TRIQK: variants seen among roughly 807,000 people sequenced by gnomAD.
TRIQK encodes triple QxxK/R motif-containing protein.
In TRIQK, 10 loss-of-function variants were observed where a neutral mutation model predicts 10.8. That is an observed-to-expected ratio of 0.92 (90% CI 0.57 to 1.57). The LOEUF (loss-of-function observed/expected upper bound fraction) is 1.57. Among genes scored for constraint, TRIQK ranks in the 40% most tolerant of loss-of-function variants. The pLI, the probability that TRIQK is intolerant of heterozygous loss-of-function variation, is 0.00. For missense variants in TRIQK, 107 were observed against 97.7 expected (o/e 1.09, Z -0.40); for synonymous variants, 33 against 33.7 (o/e 0.98, Z 0.07).
chr8:92,945,922 A>C (rs1286529963), intron 2 of TRIQK, among the ~76,000 whole-genome samples: 1 of 151,984 alleles, frequency 6.6e-6, no homozygotes, highest in East Asian at 1.9e-4. Context: ...AAATAATATA[A>C]TTAAGAACTA....
Position 92,946,657 on chromosome 8 carries a change from A to G in TRIQK, c.-22+7749T>C, listed in dbSNP as rs192782233. Among the ~76,000 whole-genome samples the G allele has an allele frequency of 2.6e-5, 4 of 151,992 alleles. No homozygotes were observed. In the South Asian group the frequency reaches 8.3e-4, roughly 32 times the overall value. ...TAATATTTTTAAGTGTTGTTTTCTAATTTTTTCACATTACTAGCCATAATA... is the reference window on the plus strand; with the variant it reads ...TAATATTTTTAAGTGTTGTTTTCTAGTTTTTTCACATTACTAGCCATAATA... On this transcript the variant is annotated intron_variant, in intron 2 of 4. Coordinates refer to ENST00000521988, the MANE Select transcript of TRIQK (RefSeq NM_001171797.2).
At chr8:93,016,216 A>T (rs1563457917) in intron 1 of TRIQK, among the ~76,000 whole-genome samples, 1 of 152,240 alleles carries the variant, frequency 6.6e-6, no homozygotes, top group Non-Finnish European at 1.5e-5. Flanking sequence ...CAATAAATGA[A>T]CAAAGTACAT....
At chr8:92,953,469 A>C (rs1411300509) in intron 2 of TRIQK, 1 of 152,038 alleles carries the variant, frequency 6.6e-6, no homozygotes, top group East Asian at 1.9e-4. Flanking sequence ...GCAAAGAAAG[A>C]ATATAAAGCT....
At chr8:92,981,387 T>C (rs1337014070) in intron 1 of TRIQK, among the ~76,000 whole-genome samples, 1 of 151,986 alleles carries the variant, frequency 6.6e-6, no homozygotes, top group Non-Finnish European at 1.5e-5. Context: ...AAGCTCGTTG[T>C]GTTACACAAA....
At chr8:92,949,775 A>G (rs542423862) in intron 2 of TRIQK, among the ~76,000 whole-genome samples, 17 of 99,702 alleles carry the variant, frequency 1.7e-4, no homozygotes, top group African/African-American at 7.9e-4. Flanking sequence ...AGAGAAGGAA[A>G]GAAAGAAAAA....
chr8:93,003,965 G>A (rs1586529017), intron 1 of TRIQK, among the ~76,000 whole-genome samples: 1 of 152,216 alleles, frequency 6.6e-6, no homozygotes, highest in Non-Finnish European at 1.5e-5. Context: ...CTTGCAGGGT[G>A]CAGCCCCCAC....
At chr8:92,920,172 C>G (rs1015461742) in intron 2 of TRIQK, among the ~76,000 whole-genome samples, 1 of 151,518 alleles carries the variant, frequency 6.6e-6, no homozygotes, top group Non-Finnish European at 1.5e-5. Flanking sequence ...TTAAATATTG[C>G]AGCAGAGAGT....
chr8:92,977,730 A>T (rs567533220), intron 1 of TRIQK, among the ~76,000 whole-genome samples: 1 of 152,140 alleles, frequency 6.6e-6, no homozygotes, highest in Admixed American at 6.6e-5. Context: ...AATGCTAGAC[A>T]TTTTTAATTT....
chr8:92,898,833 G>GTGTATATATATATATATA (rs1256723943), intron 3 of TRIQK, among the ~76,000 whole-genome samples: 1 of 73,920 alleles, frequency 1.4e-5, no homozygotes, highest in Non-Finnish European at 2.5e-5. Flanking sequence ...GTGTGTGTGT[G>GTGTATATATATATATATA]TATATATATA....
chr8:92,958,993 CTTTAT>C (rs1277794945), intron 1 of TRIQK, among the ~76,000 whole-genome samples: 1 of 151,934 alleles, frequency 6.6e-6, no homozygotes, highest in African/African-American at 2.4e-5. Context: ...TCTAATAAAA[CTTTAT>C]TTATAAACAA....
At position 92,885,078 on chromosome 8, in the gene TRIQK, G is replaced by A. The variant is rs774730470; in HGVS notation, c.*1544C>T. ...TCTCTTGAGTCTGTGAGTTCAAAGG[G>A]AAGAATCTAGTAAATAACACCGGCT... On this transcript the variant is annotated 3_prime_UTR_variant, in exon 5 of 5. Transcript: ENST00000521988. The A allele has an allele frequency of 2.2e-6, 1 of 445,462 alleles. No individual in the cohort carries two copies. The highest frequency in any genetic ancestry group is 4.6e-6 in the Non-Finnish European group (1 of 218,514). The allele number at this position is 445,462 out of a possible 1,614,324, so 27.6% of individuals were successfully genotyped here. A position where few individuals can be genotyped will look rare whatever the true frequency, so the allele number is the denominator to read the frequency against.
At chr8:93,009,096 G>A (rs889791681) in intron 1 of TRIQK, among the ~76,000 whole-genome samples, 1 of 152,106 alleles carries the variant, frequency 6.6e-6, no homozygotes, top group Non-Finnish European at 1.5e-5. Flanking sequence ...ACAGCAATGG[G>A]TTACTATCCG....
chr8:92,888,661 C>G (rs1351675005), intron 4 of TRIQK, among the ~76,000 whole-genome samples: 2 of 151,440 alleles, frequency 1.3e-5, no homozygotes, highest in African/African-American at 4.8e-5. Flanking sequence ...GACTCCCTTG[C>G]CCCCTTTGGC....
intron 3 of TRIQK, among the ~76,000 whole-genome samples, chr8:92,906,010 T>C (rs1287440659): frequency 1.3e-5 from 2 of 152,162 alleles, no homozygotes; most frequent in Non-Finnish European, 2.9e-5. Flanking sequence ...TTAAAAACAT[T>C]TGTACATAGA....
At chr8:93,010,231 T>C (rs1322329464) in intron 1 of TRIQK, among the ~76,000 whole-genome samples, 1 of 152,136 alleles carries the variant, frequency 6.6e-6, no homozygotes, top group African/African-American at 2.4e-5. Flanking sequence ...CAATAATGTA[T>C]TGTATACTTT....
At chr8:92,947,449 T>A (rs1466879655) in intron 2 of TRIQK, among the ~76,000 whole-genome samples, 2 of 151,790 alleles carry the variant, frequency 1.3e-5, no homozygotes, top group Non-Finnish European at 2.9e-5. Flanking sequence ...CTAGGCATGG[T>A]GGTGGACTCC....
intron 2 of TRIQK, among the ~76,000 whole-genome samples, chr8:92,945,626 T>C (rs1424355829): frequency 6.6e-6 from 1 of 152,216 alleles, no homozygotes; most frequent in Admixed American, 6.5e-5. Context: ...GACAGCTTAG[T>C]GACCAACTTA....
chr8:92,944,304 C>CAAAAA (rs56002665), intron 2 of TRIQK, among the ~76,000 whole-genome samples: 65 of 134,834 alleles, frequency 4.8e-4, no homozygotes, highest in African/African-American at 1.7e-3. Context: ...GAAGGTTACT[C>CAAAAA]AAAAAAAAAA....
At chr8:92,984,346 G>T (rs777526055) in intron 1 of TRIQK, among the ~76,000 whole-genome samples, 2 of 150,514 alleles carry the variant, frequency 1.3e-5, no homozygotes, top group Non-Finnish European at 2.9e-5. Context: ...AGTCATCACA[G>T]TGAACCAGAT....
Sources: gnomAD v4.1 joint callset for allele counts (sites outside exome capture counted in the v4.1 genomes callset) on GRCh38, gnomAD v4.1.1 for gene constraint, MANE v1.5 for transcripts, NCBI Gene and HGNC (gene_info 2026-07-23, HGNC 2026-07-21) for gene names.